The following PIGV variants were observed in gnomAD, a reference collection of about 807,000 sequenced individuals.
The protein encoded by PIGV is phosphatidylinositol glycan anchor biosynthesis class V.
A neutral mutation model predicts 39.2 loss-of-function variants in PIGV; 27 were observed. That is an observed-to-expected ratio of 0.69 (90% confidence interval 0.51 to 0.95). The LOEUF (loss-of-function observed/expected upper bound fraction) is 0.95, where lower values mean the gene tolerates loss of function less well. Ranked by LOEUF, PIGV falls within the 40% of genes least tolerant of loss-of-function variation. The pLI, the probability that PIGV is intolerant of heterozygous loss-of-function variation, is 0.00. For missense variants in PIGV, 523 were observed against 586.4 expected, an observed-to-expected ratio of 0.89 and a Z score of 1.12; for synonymous variants, 232 against 241.7, an observed-to-expected ratio of 0.96 and a Z score of 0.37.
rs2124217016 is a variant in PIGV at position 26,800,443 on chromosome 1, G to A, written c.*2599G>A. ...ACGCCTCAGCCTCACGTACCTAGAAGTAGATGCTTTTTTTTGTTCTTTAAT... is the reference window on the plus strand; with the variant it reads ...ACGCCTCAGCCTCACGTACCTAGAAATAGATGCTTTTTTTTGTTCTTTAAT... On this transcript the variant is annotated 3_prime_UTR_variant, in exon 4 of 4. Transcript: ENST00000674202. 6.6e-6 allele frequency among the ~76,000 whole-genome samples: 1 copy of A among 152,302 alleles called. No homozygotes were observed. Among genetic ancestry groups the A allele is most frequent in the Admixed American group, 6.5e-5 (1 of 15,306 alleles).
chr1:26,791,201 A>G (rs1193776372), intron 2 of PIGV, among the ~76,000 whole-genome samples: 4 of 152,154 alleles, frequency 2.6e-5, no homozygotes, highest in African/African-American at 7.2e-5. Flanking sequence ...GGTCTCTCCA[A>G]CAGACTGTGA....
In PIGV at chr1:26,794,454, G is replaced by T. The variant is rs1365318573; in HGVS notation, c.420G>T (p.Leu140=). Residue 140 remains leucine, a synonymous_variant, in exon 3 of 4, where the codon CTG becomes CTT. Transcript: ENST00000674202. ...TTGCACTTCATGACCTGGGTTGTCT[G>T]GTTTTGCACTGTCCCCACCAGTCCT... is the stretch of plus-strand genomic sequence containing the variant. ...AAVALHDLGC[L]VLHCPHQSFY... 3.1e-6 allele frequency: 5 copies of T among 1,614,096 alleles called. No homozygotes were observed. Among genetic ancestry groups the T allele is most frequent in the South Asian group, 1.1e-5 (1 of 91,092 alleles).
At chr1:26,791,364 A>G (rs1214778983) in intron 2 of PIGV, among the ~76,000 whole-genome samples, 1 of 152,106 alleles carries the variant, frequency 6.6e-6, no homozygotes, top group African/African-American at 2.4e-5. Flanking sequence ...AGTTCCTCCT[A>G]TTCCCCCGAG....
At chr1:26,797,013 A>G (rs191683328) in intron 3 of PIGV, among the ~76,000 whole-genome samples, 168 of 152,338 alleles carry the variant, frequency 1.1e-3, no homozygotes, top group African/African-American at 3.9e-3. Context: ...GATAAGAGAC[A>G]CAGAGGAAAT....
At chr1:26,789,139 G>C (rs1017065743) in intron 1 of PIGV, 2 of 152,252 alleles carry the variant, frequency 1.3e-5, no homozygotes, top group African/African-American at 2.4e-5. Flanking sequence ...GAGTAGCCGC[G>C]TGAGGTTGAG....
chr1:26,797,500 G>T, intron 3 of PIGV, 63 bp from the exon 4 acceptor site: 2 of 1,407,152 alleles, frequency 1.4e-6, no homozygotes, highest in Non-Finnish European at 2.0e-6. Context: ...TCCCCGGGCT[G>T]GTCCAATTTG....
upstream of PIGV, among the ~76,000 whole-genome samples, chr1:26,787,267 C>T (rs1415660365): frequency 1.3e-5 from 2 of 151,350 alleles, no homozygotes; most frequent in Non-Finnish European, 2.9e-5. Context: ...GAGTTCGCCT[C>T]TTTTTTTTTC....
rs1557630548 is a variant in PIGV, at chr1:26,798,879, T to G, written c.*1035T>G. 1.3e-5 allele frequency among the ~76,000 whole-genome samples: 2 copies of G among 152,166 alleles called. No homozygotes were observed. Among genetic ancestry groups the G allele is most frequent in the Non-Finnish European group, 2.9e-5 (2 of 68,030 alleles). The stretch of plus-strand genomic sequence containing the variant: ...AAACCCCATTTACCAGCCATGTGAC[T>G]TGGGAGAGTTTTCAGAACCTTAGTT... On this transcript the variant is annotated 3_prime_UTR_variant, in exon 4 of 4. Transcript: ENST00000674202.
In PIGV at chr1:26,788,250, G is replaced by T. The variant is rs2081263610; in HGVS notation, c.-76G>T. On this transcript the variant is annotated 5_prime_UTR_variant, in exon 1 of 4. Coordinates refer to ENST00000674202, the MANE Select transcript of PIGV (RefSeq NM_017837.4). Reference sequence around the variant, plus strand: ...GCAGGCTCCCTCGGGAGTGGTCCTTGGGCCGTGGCCCCTCTGGGGTGAGCG... The same window carrying T: ...GCAGGCTCCCTCGGGAGTGGTCCTTTGGCCGTGGCCCCTCTGGGGTGAGCG... The T allele has an allele frequency of 1.3e-5, 2 of 152,622 alleles. No individual in the cohort carries two copies. Among genetic ancestry groups the T allele is most frequent in the Non-Finnish European group, 1.5e-5 (1 of 68,260 alleles). The allele number at this position is 152,622 out of a possible 1,614,324, so 9.5% of individuals were successfully genotyped here. A position where few individuals can be genotyped will look rare whatever the true frequency, so the allele number is the denominator to read the frequency against.
intron 1 of PIGV, among the ~76,000 whole-genome samples, chr1:26,789,232 G>T (rs913757512): frequency 6.6e-6 from 1 of 152,188 alleles, no homozygotes; most frequent in African/African-American, 2.4e-5. Context: ...TTACTGTCTG[G>T]GGCTTTCAGA....
chr1:26,795,118 A>C lies in PIGV; in HGVS notation c.1084A>C (p.Lys362Gln), dbSNP rs376257064. 32 of 1,614,050 alleles carry C rather than the reference A, an allele frequency of 2.0e-5. No individual in the cohort carries two copies. The African/African-American group carries it at 2.7e-4, about 13-fold the overall frequency. The change falls in exon 3 of 4, where the codon AAG becomes CAG. Residue 362 changes from lysine (K) to glutamine (Q), a missense_variant. Lys to Gln is a moderately conservative substitution (Grantham distance 53). Transcript: ENST00000674202. ...LCLTLGLQRS[K>Q]NNKTLEKPDL... Reference sequence around the variant, plus strand: ...CCTTACACTTGGGCTGCAAAGGAGCAAGAACAATAAGACCCTAGAGAAGCC... The same window carrying C: ...CCTTACACTTGGGCTGCAAAGGAGCCAGAACAATAAGACCCTAGAGAAGCC...
chr1:26,793,970 C>T lies in PIGV; in HGVS notation c.79-143C>T, dbSNP rs554792582. 10 of 772,732 alleles carry T rather than the reference C, an allele frequency of 1.3e-5. 1 individual carries two copies. Among genetic ancestry groups the T allele is most frequent in the South Asian group, 8.9e-5 (6 of 67,710 alleles). 47.9% of individuals were successfully genotyped at this position (772,732 alleles called of 1,614,324 possible). On this transcript the variant is annotated intron_variant, in intron 2 of 3. Coordinates refer to ENST00000674202, the MANE Select transcript of PIGV (RefSeq NM_017837.4). ...ATGTTGCCCAGGCTGGTCATGGACT[C>T]CTGGGTTCAAGTAATCCTCCCATCT...
upstream of PIGV, among the ~76,000 whole-genome samples, chr1:26,787,236 C>T (rs181526840): frequency 2.6e-5 from 4 of 152,282 alleles, no homozygotes; most frequent in African/African-American, 9.6e-5. Flanking sequence ...CTGGCCGCTC[C>T]CCCCAATAGA....
At chr1:26,789,378 C>T (rs917455327) in intron 1 of PIGV, among the ~76,000 whole-genome samples, 3 of 152,216 alleles carry the variant, frequency 2.0e-5, no homozygotes, top group Admixed American at 1.3e-4. Flanking sequence ...TTGCCATTGG[C>T]CAACTTGGCT....
rs746747719 is a variant in PIGV, at chr1:26,795,064, A to T, written c.1030A>T (p.Thr344Ser). The stretch of plus-strand genomic sequence containing the variant: ...TATACTGGTTGCCTGGGCAACTTGG[A>T]CATACGTGACCACTCACCCTTGGCT... ...VAILVAWATW[T>S]YVTTHPWLCL... Residue 344 changes from threonine (T) to serine (S), a missense_variant, in exon 3 of 4, where the codon ACA becomes TCA. Transcript: ENST00000674202. 1.9e-6 allele frequency: 3 copies of T among 1,614,092 alleles called. No homozygotes were observed. Among genetic ancestry groups the T allele is most frequent in the Non-Finnish European group, 8.5e-7 (1 of 1,180,046 alleles).
At position 26,794,156 on chromosome 1, in the gene PIGV, T is replaced by C; in HGVS notation, c.122T>C (p.Phe41Ser). The C allele has an allele frequency of 6.2e-7, 1 of 1,614,228 alleles. No individual in the cohort carries two copies. The highest frequency in any genetic ancestry group is 8.5e-7 in the Non-Finnish European group (1 of 1,180,028). The change falls in exon 3 of 4, where the codon TTC (phenylalanine) becomes TCC (serine). Residue 41 changes from phenylalanine (F) to serine (S), a missense_variant. Coordinates refer to ENST00000674202, the MANE Select transcript of PIGV (RefSeq NM_017837.4). ...ATCCCAGATCACCATGCAGAAGCCT[T>C]CTCTCCTCCTCGCCTGGCCCCCTCA... Reference protein sequence around the residue: ...AIIPDHHAEAFSPPRLAPSGF... With the variant: ...AIIPDHHAEASSPPRLAPSGF...
At chr1:26,797,401 C>T (rs151152073) in intron 3 of PIGV, among the ~76,000 whole-genome samples, 162 bp from the exon 4 acceptor site, 55 of 152,332 alleles carry the variant, frequency 3.6e-4, no homozygotes, top group African/African-American at 1.3e-3. Flanking sequence ...ATACATCTTT[C>T]TAAGACAGAT....
rs2124209790 is a variant in PIGV, at chr1:26,798,084, C to T, written c.*240C>T. The T allele has an allele frequency of 1.9e-6, 1 of 539,882 alleles. No individual in the cohort carries two copies. Among genetic ancestry groups the T allele is most frequent in the Admixed American group, 3.1e-5 (1 of 32,328 alleles). The allele number at this position is 539,882 out of a possible 1,614,324, so 33.4% of individuals were successfully genotyped here. A position where few individuals can be genotyped will look rare whatever the true frequency, so the allele number is the denominator to read the frequency against. Reference sequence around the variant, plus strand: ...CTCTGTAAGTGAAGATTGTCGTATTCCAAGTCTAAAATACACCTGGATCTG... The same window carrying T: ...CTCTGTAAGTGAAGATTGTCGTATTTCAAGTCTAAAATACACCTGGATCTG... On this transcript the variant is annotated 3_prime_UTR_variant, in exon 4 of 4. Coordinates refer to ENST00000674202, the MANE Select transcript of PIGV (RefSeq NM_017837.4).
Position 26,797,613 on chromosome 1 carries a change from A to C in PIGV, c.1251A>C (p.Pro417=). The C allele has an allele frequency of 6.2e-7, 1 of 1,614,102 alleles. No individual in the cohort carries two copies. Among genetic ancestry groups the C allele is most frequent in the Non-Finnish European group, 8.5e-7 (1 of 1,180,002 alleles). ...CCACTCCTATTATGTACTGGTTTCC[A>C]GCTCACTTGCTTCAGGATCAAGAGC... ...GSSTPIMYWF[P]AHLLQDQEPL... The change falls in exon 4 of 4, where the codon CCA becomes CCC. Residue 417 remains proline, a synonymous_variant. Transcript: ENST00000674202.
Sources: gnomAD v4.1 joint callset for allele counts (sites outside exome capture counted in the v4.1 genomes callset) on GRCh38, gnomAD v4.1.1 for gene constraint, MANE v1.5 for transcripts, NCBI Gene and HGNC (gene_info 2026-07-23, HGNC 2026-07-21) for gene names.